The following SCD5 variants were observed in gnomAD, a reference collection of about 807,000 sequenced individuals.
The protein encoded by SCD5 is stearoyl-CoA desaturase 5.
In SCD5, 20 loss-of-function variants were observed where a neutral mutation model predicts 30.4. The observed-to-expected ratio is 0.66, with a 90% CI of 0.46 to 0.96. SCD5 has a LOEUF of 0.96. Ranked by LOEUF, SCD5 falls within the 40% of genes least tolerant of loss-of-function variation. The pLI is 0.00. For missense variants in SCD5, 381 were observed against 443.3 expected, an observed-to-expected ratio of 0.86 and a Z score of 1.26; for synonymous variants, 173 against 176.4, an observed-to-expected ratio of 0.98 and a Z score of 0.16.
At chr4:82,637,546 A>T (rs1727459372) in intron 3 of SCD5, among the ~76,000 whole-genome samples, 1 of 152,228 alleles carries the variant, frequency 6.6e-6, no homozygotes, top group Non-Finnish European at 1.5e-5. Context: ...AAGTTAGGTG[A>T]AGCCCCTGAC....
intron 1 of SCD5, among the ~76,000 whole-genome samples, chr4:82,731,238 T>A (rs1404355230): frequency 6.6e-6 from 1 of 152,052 alleles, no homozygotes; most frequent in Non-Finnish European, 1.5e-5. Context: ...AAGCAGCAAT[T>A]ATTTTGCTTT....
chr4:82,693,125 C>T (rs888712244), intron 2 of SCD5, among the ~76,000 whole-genome samples: 5 of 152,300 alleles, frequency 3.3e-5, no homozygotes, highest in Non-Finnish European at 5.9e-5. Flanking sequence ...CGGGTTTGCT[C>T]TGCTCCCGAT....
intron 1 of SCD5, among the ~76,000 whole-genome samples, chr4:82,736,305 C>CA (rs370885850): frequency 0.011 from 1,624 of 145,242 alleles, 15 homozygotes; most frequent in African/African-American, 0.027. Flanking sequence ...CAAAACAAAA[C>CA]AAAAAAAAAA....
At chr4:82,632,429 T>C (rs1727316092) in intron 4 of SCD5, among the ~76,000 whole-genome samples, 1 of 152,138 alleles carries the variant, frequency 6.6e-6, no homozygotes, top group South Asian at 2.1e-4. Flanking sequence ...TTTAATCCAG[T>C]CTATCATTGA....
intron 2 of SCD5, 47 bp from the exon 3 acceptor site, chr4:82,680,959 G>A (rs778108124): frequency 6.0e-5 from 94 of 1,558,844 alleles, no homozygotes; most frequent in Non-Finnish European, 7.5e-5. Flanking sequence ...CCGCACCGCC[G>A]AGCATCCTCC....
intron 4 of SCD5, 139 bp downstream of exon 4, chr4:82,636,452 G>GAAA (rs36060565): frequency 5.9e-4 from 325 of 550,852 alleles, no homozygotes; most frequent in South Asian, 1.2e-3. Flanking sequence ...CTCTATCTCG[G>GAAA]AAAAAAAAAA....
rs1560540816 is a variant in SCD5 at position 82,712,281 on chromosome 4, TATATATATATATATATTTTA to T, written c.233-6888_233-6869del. ...ATATATATATATATATATATATATA[TATATATATATATATATTTTA>T]TTTTTATTTTATTTTTTTTTTTTGA... On this transcript the variant is annotated intron_variant, in intron 1 of 4. Transcript: ENST00000319540. Among the ~76,000 whole-genome samples, 14 of 50,296 alleles carry T rather than the reference TATATATATATATATATTTTA, an allele frequency of 2.8e-4. 1 individual carries two copies. The highest frequency in any genetic ancestry group is 1.5e-3 in the African/African-American group (14 of 9,074). The allele number at this position is 50,296 out of a possible 152,430, so 33.0% of individuals were successfully genotyped here. A position where few individuals can be genotyped will look rare whatever the true frequency, so the allele number is the denominator to read the frequency against.
At chr4:82,672,185 AAATAAAT>A (rs1728341216) in intron 3 of SCD5, among the ~76,000 whole-genome samples, 1 of 152,128 alleles carries the variant, frequency 6.6e-6, no homozygotes, top group African/African-American at 2.4e-5. Flanking sequence ...AAGAAGAAGA[AAATAAAT>A]AATAAAAATT....
In SCD5 at chr4:82,642,159, C is replaced by T. The variant is rs113309759; in HGVS notation, c.570-5336G>A. ...TGGCCCTATGATGTAGTTTTTATAA[C>T]CTCTTTTGCAGGACCTGTGCAGAGG... On this transcript the variant is annotated intron_variant, in intron 3 of 4. Transcript: ENST00000319540. Among the ~76,000 whole-genome samples, 747 of 152,024 alleles carry T rather than the reference C, an allele frequency of 4.9e-3. 9 individuals carry two copies. The highest frequency in any genetic ancestry group is 0.017 in the African/African-American group (701 of 41,432).
chr4:82,664,989 C>CTA (rs1258047236), intron 3 of SCD5, among the ~76,000 whole-genome samples: 103 of 103,200 alleles, frequency 1.0e-3, no homozygotes, highest in East Asian at 2.6e-3. Context: ...CTCTCTCTCT[C>CTA]TCTCTCTCTC....
chr4:82,795,913 ACT>A (rs1387988940), intron 1 of SCD5, among the ~76,000 whole-genome samples: 3 of 151,418 alleles, frequency 2.0e-5, no homozygotes, highest in African/African-American at 7.3e-5. Flanking sequence ...GGACCTTAAA[ACT>A]CTAATATCTA....
intron 1 of SCD5, among the ~76,000 whole-genome samples, chr4:82,766,485 T>A (rs537665955): frequency 2.0e-5 from 3 of 152,366 alleles, no homozygotes; most frequent in South Asian, 4.1e-4. Flanking sequence ...CAATTTCTCC[T>A]CTACTTTCTT....
intron 1 of SCD5, 119 bp downstream of exon 1, chr4:82,798,187 G>A: frequency 3.7e-6 from 4 of 1,077,836 alleles, no homozygotes; most frequent in Non-Finnish European, 4.5e-6. Flanking sequence ...AGCGGGAGGC[G>A]AGGGGAGACC....
At chr4:82,694,898 T>C (rs1025712368) in intron 2 of SCD5, among the ~76,000 whole-genome samples, 2 of 152,186 alleles carry the variant, frequency 1.3e-5, no homozygotes, top group African/African-American at 2.4e-5. Context: ...ATCGTAAGTA[T>C]AGGACTTTCC....
intron 2 of SCD5, among the ~76,000 whole-genome samples, chr4:82,686,055 G>A (rs1372224687): frequency 6.6e-6 from 1 of 151,826 alleles, no homozygotes; most frequent in East Asian, 1.9e-4. Context: ...ACCCAGGCTG[G>A]AGTGCAGTGG....
chr4:82,752,726 T>C (rs1011861627), intron 1 of SCD5, among the ~76,000 whole-genome samples: 9 of 152,076 alleles, frequency 5.9e-5, no homozygotes, highest in African/African-American at 1.9e-4. Flanking sequence ...ACACATCCAC[T>C]CAGTTCTTTC....
rs558632104 is a variant in SCD5 at position 82,798,269 on chromosome 4, C to T, written c.232+37G>A. 3.0e-5 allele frequency: 45 copies of T among 1,514,110 alleles called. No homozygotes were observed. In the African/African-American group the frequency reaches 6.2e-4, roughly 21 times the overall value. The allele number at this position is 1,514,110 out of a possible 1,614,324, so 93.8% of individuals were successfully genotyped here. A position where few individuals can be genotyped will look rare whatever the true frequency, so the allele number is the denominator to read the frequency against. ...CGCGCGCCCCAGCGCGGCCTGGCCA[C>T]GGAGGCCGGGGCGCAGGGGGCGCCG... On this transcript the variant is annotated intron_variant, in intron 1 of 4. Coordinates refer to ENST00000319540, the MANE Select transcript of SCD5 (RefSeq NM_001037582.3).
rs2148856705 is a variant in SCD5 at position 82,798,655 on chromosome 4, G to A, written c.-118C>T. 9 of 846,610 alleles carry A rather than the reference G, an allele frequency of 1.1e-5. No homozygotes were observed. Among genetic ancestry groups the A allele is most frequent in the Non-Finnish European group, 1.6e-5 (9 of 563,246 alleles). 52.4% of individuals were successfully genotyped at this position (846,610 alleles called of 1,614,324 possible). On this transcript the variant is annotated 5_prime_UTR_variant, in exon 1 of 5. Coordinates refer to ENST00000319540, the MANE Select transcript of SCD5 (RefSeq NM_001037582.3). ...TAGGGGGGAATTCTCCGCACGTCCA[G>A]TCCCCTCCTTCCAGCCCTTCTCCCG...
At chr4:82,747,056 G>A (rs898764983) in intron 1 of SCD5, among the ~76,000 whole-genome samples, 10 of 117,524 alleles carry the variant, frequency 8.5e-5, no homozygotes, top group Admixed American at 8.7e-5. Flanking sequence ...TTAGAGAAAA[G>A]TCTGGGCAAC....
Sources: allele counts gnomAD v4.1 joint callset (sites outside exome capture counted in the v4.1 genomes callset), GRCh38; gene constraint gnomAD v4.1.1; transcripts MANE v1.5; gene names NCBI Gene and HGNC (gene_info 2026-07-23, HGNC 2026-07-21).